Variants in UNC119B observed in about 807,000 individuals in gnomAD.
UNC119B encodes the protein protein unc-119 homolog B.
A neutral mutation model predicts 23.4 loss-of-function variants in UNC119B; 16 were observed. The ratio of observed to expected loss-of-function variants is 0.68; its 90% confidence interval spans 0.46 to 1.04. The LOEUF is 1.04. Among genes scored for constraint, UNC119B ranks in the 50% least tolerant of loss-of-function variants. UNC119B has a pLI of 0.00. For synonymous variants in UNC119B, 144 were observed against 145.4 expected, an observed-to-expected ratio of 0.99 and a Z score of 0.07; for missense variants, 350 against 361.3, an observed-to-expected ratio of 0.97 and a Z score of 0.25.
intron 1 of UNC119B, chr12:120,711,785 G>A (rs1405895159): frequency 1.3e-5 from 2 of 152,272 alleles, no homozygotes; most frequent in Non-Finnish European, 2.9e-5. Flanking sequence ...AGTAATTTGG[G>A]GATGGAAATT....
At chr12:120,718,673 G>A (rs144690149) in intron 4 of UNC119B, among the ~76,000 whole-genome samples, 53 of 152,310 alleles carry the variant, frequency 3.5e-4, no homozygotes, top group African/African-American at 1.2e-3. Flanking sequence ...CCTCAGGTTC[G>A]CATCCTTTGT....
At chr12:120,713,239 A>T (rs557876414) in intron 1 of UNC119B, 35 bp from the exon 2 acceptor site, 1 of 1,486,792 alleles carries the variant, frequency 6.7e-7, no homozygotes, top group Non-Finnish European at 9.2e-7. Flanking sequence ...TTGGAGGATT[A>T]TTTAACAGTG....
In UNC119B at chr12:120,713,393, C is replaced by T; in HGVS notation, c.358+6C>T. ...TGCCAAACCTTGCGTTTCAGGTAGGCCTCTACGTTGTGGTGACCACTAGAC... is the reference window on the plus strand; with the variant it reads ...TGCCAAACCTTGCGTTTCAGGTAGGTCTCTACGTTGTGGTGACCACTAGAC... On this transcript the variant is annotated splice_donor_region_variant and intron_variant, in intron 2 of 4. Coordinates refer to ENST00000344651, the MANE Select transcript of UNC119B (RefSeq NM_001080533.3). 2 of 1,605,844 alleles carry T rather than the reference C, an allele frequency of 1.2e-6. No individual in the cohort carries two copies. Among genetic ancestry groups the T allele is most frequent in the Non-Finnish European group, 1.7e-6 (2 of 1,173,000 alleles).
At chr12:120,713,450 T>C in intron 2 of UNC119B, 63 bp downstream of exon 2, 1 of 1,248,798 alleles carries the variant, frequency 8.0e-7, no homozygotes, top group Non-Finnish European at 1.2e-6. Context: ...GAAACTCAAA[T>C]CTTTGTGTGC....
At chr12:120,719,849 C>T (rs960390107) in intron 4 of UNC119B, 71 bp from the exon 5 acceptor site, 10 of 1,106,540 alleles carry the variant, frequency 9.0e-6, no homozygotes, top group Non-Finnish European at 1.4e-5. Context: ...AAAGTTTTCT[C>T]CCACCTACCC....
chr12:120,717,553 G>A (rs965644183), intron 4 of UNC119B, among the ~76,000 whole-genome samples: 2 of 146,146 alleles, frequency 1.4e-5, no homozygotes, highest in African/African-American at 5.1e-5. Flanking sequence ...CACTGCCCCC[G>A]GCCCTTTTGT....
Position 120,723,421 on chromosome 12 carries a change from A to G in UNC119B, c.*3389A>G, listed in dbSNP as rs1882956353. ...GTTTTACAAAGGACCGTGTAAAGTC[A>G]TTGAAGTTGTGAAAGTCTATTTTTT... On this transcript the variant is annotated 3_prime_UTR_variant, in exon 5 of 5. Coordinates refer to ENST00000344651, the MANE Select transcript of UNC119B (RefSeq NM_001080533.3). The G allele has an allele frequency of 1.3e-5, 2 of 152,692 alleles. No individual in the cohort carries two copies. Among genetic ancestry groups the G allele is most frequent in the South Asian group, 4.1e-4 (2 of 4,834 alleles). The allele number at this position is 152,692 out of a possible 1,614,324, so 9.5% of individuals were successfully genotyped here.
intron 1 of UNC119B, chr12:120,710,944 CACGCTAGG>C (rs57724382): frequency 0.23 from 84,332 of 366,176 alleles, 10,223 homozygotes; most frequent in Middle Eastern, 0.36. Flanking sequence ...TGAGTCCGGC[CACGCTAGG>C]ATGCCCTTCG....
chr12:120,716,692 C>T lies in UNC119B; in HGVS notation c.423C>T (p.Arg141=). 6.2e-7 allele frequency: 1 copy of T among 1,614,184 alleles called. No homozygotes were observed. Among genetic ancestry groups the T allele is most frequent in the Non-Finnish European group, 8.5e-7 (1 of 1,180,044 alleles). ...DVDISAGRFV[R]YQFTPAFLRL... ...ACATCAGCGCAGGACGTTTTGTCCGCTATCAGTTCACACCGGCATTTCTCC... is the reference window on the plus strand; with the variant it reads ...ACATCAGCGCAGGACGTTTTGTCCGTTATCAGTTCACACCGGCATTTCTCC... The change falls in exon 3 of 5, where the codon CGC becomes CGT. Residue 141 remains arginine, a synonymous_variant. Transcript: ENST00000344651.
At chr12:120,712,486 C>T (rs73225101) in intron 1 of UNC119B, among the ~76,000 whole-genome samples, 3,719 of 152,232 alleles carry the variant, frequency 0.024, 68 homozygotes, top group Middle Eastern at 0.044. Flanking sequence ...TTTCAATTTG[C>T]GGCTCATGTT....
At chr12:120,713,245 C>A in intron 1 of UNC119B, 29 bp from the exon 2 acceptor site, 1 of 1,485,136 alleles carries the variant, frequency 6.7e-7, no homozygotes, top group Non-Finnish European at 9.2e-7. Flanking sequence ...GATTATTTAA[C>A]AGTGTTGGTT....
At position 120,717,004 on chromosome 12, in the gene UNC119B, A is replaced by C; in HGVS notation, c.605A>C (p.Glu202Ala). 6.2e-7 allele frequency: 1 copy of C among 1,610,626 alleles called. No individual in the cohort carries two copies. Among genetic ancestry groups the C allele is most frequent in the South Asian group, 1.1e-5 (1 of 90,598 alleles). Residue 202 changes from glutamate (E) to alanine (A), a missense_variant, in exon 4 of 5, where the codon GAA (glutamate) becomes GCA (alanine). Transcript: ENST00000344651. ...ATCCCCAGCAGTAGGAACACTTGTG[A>C]ACATATCTATGAGTTTCCCCAGCTT... Reference protein sequence around the residue: ...FCIPSSRNTCEHIYEFPQLSE... With the variant: ...FCIPSSRNTCAHIYEFPQLSE...
intron 4 of UNC119B, 110 bp downstream of exon 4, chr12:120,717,152 A>G (rs1207701057): frequency 2.8e-6 from 3 of 1,079,762 alleles, no homozygotes; most frequent in Non-Finnish European, 4.0e-6. Context: ...CAGTGCTGAC[A>G]TGATGCGTAT....
intron 1 of UNC119B, 65 bp downstream of exon 1, chr12:120,710,783 A>T: frequency 1.6e-6 from 2 of 1,269,542 alleles, no homozygotes; most frequent in South Asian, 5.0e-5. Context: ...CCTTCAGCGG[A>T]CCCGGCCACT....
chr12:120,710,633 C>G lies in UNC119B; in HGVS notation c.159C>G (p.Val53=). The part of the protein sequence containing the change: ...QAPHHAADDG[V]GAAVTEQELL... ...CCCACCACGCGGCCGACGACGGCGT[C>G]GGGGCAGCGGTCACGGAGCAGGAGC... The change falls in exon 1 of 5, where the codon GTC becomes GTG. Residue 53 remains valine (V), a synonymous_variant. Transcript: ENST00000344651. 3 of 1,443,636 alleles carry G rather than the reference C, an allele frequency of 2.1e-6. No individual in the cohort carries two copies. Among genetic ancestry groups the G allele is most frequent in the Non-Finnish European group, 2.7e-6 (3 of 1,102,578 alleles). 89.4% of individuals were successfully genotyped at this position (1,443,636 alleles called of 1,614,324 possible).
At chr12:120,718,771 CTGAT>C (rs1882832191) in intron 4 of UNC119B, among the ~76,000 whole-genome samples, 1 of 152,174 alleles carries the variant, frequency 6.6e-6, no homozygotes, top group Non-Finnish European at 1.5e-5. Context: ...GCTGGCATCA[CTGAT>C]TGGTCCTCTC....
chr12:120,715,482 A>C (rs573279881), intron 2 of UNC119B, among the ~76,000 whole-genome samples: 1 of 144,972 alleles, frequency 6.9e-6, no homozygotes, highest in East Asian at 2.1e-4. Flanking sequence ...ACTGGAGGGT[A>C]CTAACTCCTA....
At chr12:120,714,601 A>G (rs1223575839) in intron 2 of UNC119B, among the ~76,000 whole-genome samples, 1 of 152,114 alleles carries the variant, frequency 6.6e-6, no homozygotes, top group Non-Finnish European at 1.5e-5. Flanking sequence ...TACAAGCGTG[A>G]GCCACCGCGC....
chr12:120,710,833 C>A, intron 1 of UNC119B, 115 bp downstream of exon 1: 1 of 1,068,792 alleles, frequency 9.4e-7, no homozygotes, highest in Non-Finnish European at 1.2e-6. Flanking sequence ...CCTCGGCCGG[C>A]CGGGCCGCGC....
Sources: allele counts gnomAD v4.1 joint callset (sites outside exome capture counted in the v4.1 genomes callset), GRCh38; gene constraint gnomAD v4.1.1; transcripts MANE v1.5; gene names NCBI Gene and HGNC (gene_info 2026-07-23, HGNC 2026-07-21).